Variants in SPMIP4 observed in about 807,000 individuals in gnomAD.
The protein encoded by SPMIP4 is sperm-associated microtubule inner protein 4.
At chr7:25,127,263 G>A in the SPMIP4 span, among the ~76,000 whole-genome samples, 1 of 152,116 alleles carries the variant, frequency 6.6e-6, no homozygotes. Flanking sequence ...TTATCTCGCT[G>A]AATAAACTTT....
the SPMIP4 span, among the ~76,000 whole-genome samples, chr7:25,131,882 G>A: frequency 1.2e-4 from 18 of 152,310 alleles, no homozygotes; most frequent in East Asian, 7.7e-4. The surrounding 1 kb of genome is among the most constrained non-coding windows in gnomAD (Gnocchi z 4.2). Flanking sequence ...TGGGCACCTC[G>A]CTGGATCAGG....
chr7:25,173,428 G>C, the SPMIP4 span, among the ~76,000 whole-genome samples: 3 of 152,214 alleles, frequency 2.0e-5, no homozygotes, highest in Admixed American at 1.3e-4. This position sits in a 1 kb window ranked among gnomAD's most constrained non-coding sequence, Gnocchi z 4.4. Context: ...ACGGTCTATG[G>C]CTGCTTTTGC....
the SPMIP4 span, among the ~76,000 whole-genome samples, chr7:25,153,439 G>T: frequency 6.6e-6 from 1 of 151,880 alleles, no homozygotes; most frequent in East Asian, 1.9e-4. Flanking sequence ...GGGTGTGGTG[G>T]CACGTGCCTA....
the SPMIP4 span, chr7:25,179,237 A>T: frequency 6.2e-7 from 1 of 1,613,666 alleles, no homozygotes. Flanking sequence ...CATTAGAGTA[A>T]AAGGTGTTGG....
the SPMIP4 span, among the ~76,000 whole-genome samples, chr7:25,150,653 T>A: frequency 5.3e-5 from 8 of 152,250 alleles, no homozygotes; most frequent in Non-Finnish European, 7.3e-5. Context: ...ATTTTCCCTC[T>A]TGATTTATAA....
At chr7:25,174,529 G>A in the SPMIP4 span, among the ~76,000 whole-genome samples, 3 of 152,284 alleles carry the variant, frequency 2.0e-5, no homozygotes, top group East Asian at 3.9e-4. This position sits in a 1 kb window ranked among gnomAD's most constrained non-coding sequence, Gnocchi z 4.5. Context: ...CGTGACTAGA[G>A]AAAAGCTCGA....
chr7:25,175,243 T>G, the SPMIP4 span, among the ~76,000 whole-genome samples: 5 of 152,086 alleles, frequency 3.3e-5, no homozygotes, highest in African/African-American at 9.7e-5. Context: ...CCGTGTCACC[T>G]ATTTTTGTAT....
chr7:25,134,200 C>A, the SPMIP4 span, among the ~76,000 whole-genome samples: 3 of 152,096 alleles, frequency 2.0e-5, no homozygotes, highest in African/African-American at 4.8e-5. Flanking sequence ...GCGGAGGTTG[C>A]AGTGAGCCAA....
At chr7:25,125,848 C>T in the SPMIP4 span, 2 of 924,260 alleles carry the variant, frequency 2.2e-6, no homozygotes, top group Middle Eastern at 5.6e-4. Context: ...TGGGCACCAG[C>T]TCGTGACCTT....
chr7:25,135,714 G>C, the SPMIP4 span: 3 of 1,005,932 alleles, frequency 3.0e-6, no homozygotes, highest in East Asian at 4.8e-5. Flanking sequence ...ATAATCTGAA[G>C]ATGAGAGATT....
chr7:25,147,203 A>G, the SPMIP4 span, among the ~76,000 whole-genome samples: 1 of 152,228 alleles, frequency 6.6e-6, no homozygotes, highest in African/African-American at 2.4e-5. Flanking sequence ...CTGAGGCAGG[A>G]GAATTGCTTG....
chr7:25,136,801 T>C, the SPMIP4 span: 19 of 1,601,644 alleles, frequency 1.2e-5, no homozygotes, highest in Non-Finnish European at 1.6e-5. This position sits in a 1 kb window ranked among gnomAD's most constrained non-coding sequence, Gnocchi z 5.7. Context: ...TTGCTGTAGT[T>C]GTGGGATAAA....
the SPMIP4 span, among the ~76,000 whole-genome samples, chr7:25,168,974 G>A: frequency 3.4e-5 from 5 of 148,116 alleles, no homozygotes; most frequent in East Asian, 2.2e-4. Context: ...TGATCCACCC[G>A]CCTCGGCCTC....
chr7:25,136,165 C>A, the SPMIP4 span: 1 of 1,614,070 alleles, frequency 6.2e-7, no homozygotes, highest in African/African-American at 1.3e-5. The surrounding 1 kb of genome is among the most constrained non-coding windows in gnomAD (Gnocchi z 5.7). Context: ...AGGAATCCAA[C>A]CAAGAACAGG....
At chr7:25,151,419 C>T in the SPMIP4 span, among the ~76,000 whole-genome samples, 1 of 152,138 alleles carries the variant, frequency 6.6e-6, no homozygotes, top group East Asian at 1.9e-4. Context: ...GACAGGGTTT[C>T]ACCATGTTGG....
chr7:25,142,738 A>C, the SPMIP4 span: 1 of 1,607,960 alleles, frequency 6.2e-7, no homozygotes, highest in Admixed American at 1.7e-5. Context: ...CCATGAATTT[A>C]AAGAAGTGTT....
At chr7:25,174,635 T>C in the SPMIP4 span, among the ~76,000 whole-genome samples, 1 of 152,164 alleles carries the variant, frequency 6.6e-6, no homozygotes, top group African/African-American at 2.4e-5. This position sits in a 1 kb window ranked among gnomAD's most constrained non-coding sequence, Gnocchi z 4.5. Context: ...AGAAACAAAA[T>C]GGGAACTGAT....
chr7:25,126,603 T>C, the SPMIP4 span, among the ~76,000 whole-genome samples: 1 of 152,218 alleles, frequency 6.6e-6, no homozygotes, highest in African/African-American at 2.4e-5. Flanking sequence ...CTTTTAAAAC[T>C]TTTTCTTGTT....
At chr7:25,174,210 TTC>T in the SPMIP4 span, among the ~76,000 whole-genome samples, 3 of 151,418 alleles carry the variant, frequency 2.0e-5, no homozygotes, top group Non-Finnish European at 4.4e-5. This position sits in a 1 kb window ranked among gnomAD's most constrained non-coding sequence, Gnocchi z 4.5. Context: ...CCGTCTCCCT[TTC>T]TCTCTCTCCC....
Sources: allele counts gnomAD v4.1 joint callset (sites outside exome capture counted in the v4.1 genomes callset), GRCh38; gene constraint gnomAD v4.1.1; non-coding constraint Gnocchi (gnomAD v3.1); transcripts MANE v1.5; gene names NCBI Gene and HGNC (gene_info 2026-07-23, HGNC 2026-07-21).